Variants in TMC1 observed in about 807,000 individuals in gnomAD.
TMC1 encodes transmembrane channel-like protein 1.
In TMC1, 84 loss-of-function variants were observed where a neutral mutation model predicts 105.8. The ratio of observed to expected loss-of-function variants is 0.79; its 90% CI spans 0.67 to 0.95. TMC1 has a LOEUF of 0.95. Ranked by LOEUF, TMC1 falls within the 40% of genes least tolerant of loss-of-function variation. The probability of loss-of-function intolerance (pLI) is 0.00; values close to 1 mark genes in which losing one functional copy is unlikely to be tolerated. For synonymous variants in TMC1, 315 were observed against 311.5 expected, an observed-to-expected ratio of 1.01 and a Z score of -0.12; for missense variants, 817 against 914.1, an observed-to-expected ratio of 0.89 and a Z score of 1.37.
chr9:72,735,514 G>A lies in TMC1; in HGVS notation c.363-4605G>A, dbSNP rs114000927. Among the ~76,000 whole-genome samples the A allele has an allele frequency of 3.7e-3, 557 of 152,234 alleles. 6 individuals are homozygous for A. Among genetic ancestry groups the A allele is most frequent in the African/African-American group, 0.013 (534 of 41,538 alleles). ...TGCTATCTGTCATGGACACTTCACTGTTCTGTATTGATCAATGTTTATCTT... is the reference window on the plus strand; with the variant it reads ...TGCTATCTGTCATGGACACTTCACTATTCTGTATTGATCAATGTTTATCTT... On this transcript the variant is annotated intron_variant, in intron 8 of 23. Transcript: ENST00000297784.
At chr9:72,646,245 C>A (rs779262224) in intron 4 of TMC1, among the ~76,000 whole-genome samples, 5 of 152,060 alleles carry the variant, frequency 3.3e-5, no homozygotes, top group African/African-American at 4.8e-5. Context: ...ATAGTATTTG[C>A]CACCTCATAC....
intron 5 of TMC1, among the ~76,000 whole-genome samples, chr9:72,687,740 A>G (rs987197944): frequency 2.6e-5 from 4 of 152,180 alleles, no homozygotes; most frequent in South Asian, 2.1e-4. Flanking sequence ...GTGAGTGAAC[A>G]GAAACAAAAC....
At chr9:72,732,282 G>A (rs1827224036) in intron 8 of TMC1, among the ~76,000 whole-genome samples, 1 of 152,120 alleles carries the variant, frequency 6.6e-6, no homozygotes, top group Non-Finnish European at 1.5e-5. Flanking sequence ...ATAAATATCA[G>A]CTGGGCAAGG....
In TMC1 at chr9:72,743,382, T is replaced by TA. The variant is rs917961937; in HGVS notation, c.535+865dup. On this transcript the variant is annotated intron_variant, in intron 10 of 23. Coordinates refer to ENST00000297784, the MANE Select transcript of TMC1 (RefSeq NM_138691.3). ...ACTCCGTCTCACAAAAAAAAAAAAA[T>TA]AAAAAAAATAAAAAATAAAAATAAA... is the stretch of plus-strand genomic sequence containing the variant. Among the ~76,000 whole-genome samples, 6 of 126,376 alleles carry TA rather than the reference T, an allele frequency of 4.7e-5. No individual in the cohort carries two copies. The South Asian group carries it at 7.5e-4, about 16-fold the overall frequency. 82.9% of individuals were successfully genotyped at this position (126,376 alleles called of 152,430 possible).
At chr9:72,552,942 A>T (rs930806985) in intron 1 of TMC1, among the ~76,000 whole-genome samples, 10 of 152,302 alleles carry the variant, frequency 6.6e-5, no homozygotes, top group African/African-American at 2.4e-4. Context: ...TCTCAGAATT[A>T]CGAAGAATGT....
At chr9:72,835,915 G>GTCTTTTT in intron 23 of TMC1, 36 bp from the exon 24 acceptor site, 1 of 1,314,682 alleles carries the variant, frequency 7.6e-7, no homozygotes, top group Non-Finnish European at 1.0e-6. Context: ...CTCTCTCCTT[G>GTCTTTTT]TTTTTTTTTT....
At chr9:72,730,394 A>G (rs1827191415) in intron 8 of TMC1, among the ~76,000 whole-genome samples, 1 of 152,152 alleles carries the variant, frequency 6.6e-6, no homozygotes, top group African/African-American at 2.4e-5. Context: ...GAGGCCTTCC[A>G]GTGTCCTTTA....
chr9:72,527,112 G>A (rs12339075), intron 1 of TMC1, among the ~76,000 whole-genome samples: 11,526 of 152,206 alleles, frequency 0.076, 877 homozygotes, highest in African/African-American at 0.2. Context: ...GGCGTGGCTG[G>A]AAGAAGGCTA....
chr9:72,700,654 A>C lies in TMC1; in HGVS notation c.362+11A>C. 1 of 1,575,740 alleles carries C rather than the reference A, an allele frequency of 6.3e-7. No homozygotes were observed. Among genetic ancestry groups the C allele is most frequent in the African/African-American group, 1.4e-5 (1 of 73,220 alleles). ...AATTGAAGTTCTCAAGTATGGTGCC[A>C]CTTTTTATAAGTAGAAACACTTTCC... On this transcript the variant is annotated intron_variant, in intron 8 of 23. Coordinates refer to ENST00000297784, the MANE Select transcript of TMC1 (RefSeq NM_138691.3).
At position 72,792,060 on chromosome 9, in the gene TMC1, A is replaced by G. The variant is rs1179898549; in HGVS notation, c.1399A>G (p.Asn467Asp). 4 of 1,614,012 alleles carry G rather than the reference A, an allele frequency of 2.5e-6. No homozygotes were observed. In the African/African-American group the frequency reaches 5.3e-5, roughly 22 times the overall value. Residue 467 changes from asparagine to aspartate, a missense_variant, in exon 16 of 24, where the codon AAC (asparagine) becomes GAC (aspartate). By Grantham distance (23) the Asn-to-Asp change is conservative (BLOSUM62 1). Transcript: ENST00000297784. ...TCTTGCATTAATGGATGAGATTAAC[A>G]ACAAGGTAAGCCTTGTTTCTGGATT... ...FILALMDEINNKIEEEKLVKA... is the reference protein window; with the variant it reads ...FILALMDEINDKIEEEKLVKA...
At chr9:72,639,067 T>A (rs895615732) in intron 4 of TMC1, among the ~76,000 whole-genome samples, 1 of 152,174 alleles carries the variant, frequency 6.6e-6, no homozygotes, top group Non-Finnish European at 1.5e-5. Flanking sequence ...TTGTTTTTTT[T>A]AAAAAACGTA....
In TMC1 at chr9:72,835,984, G is replaced by T; in HGVS notation, c.*11G>T. ...GCTGGTCGCCAGTAATAAGTATCCT[G>T]AGAGCCCAGAAAAGGTACACTTTGC... On this transcript the variant is annotated 3_prime_UTR_variant, in exon 24 of 24. Transcript: ENST00000297784. The T allele has an allele frequency of 6.5e-7, 1 of 1,545,702 alleles. No homozygotes were observed.
intron 5 of TMC1, among the ~76,000 whole-genome samples, chr9:72,681,402 G>A (rs961016700): frequency 2.7e-5 from 4 of 148,584 alleles, no homozygotes; most frequent in Non-Finnish European, 4.5e-5. Context: ...TTTTTTTTTT[G>A]AAAAAGCCAG....
In TMC1 at chr9:72,584,421, A is replaced by G. The variant is rs538935735; in HGVS notation, c.-306+6398A>G. Among the ~76,000 whole-genome samples the G allele has an allele frequency of 1.3e-3, 195 of 152,160 alleles. 1 individual carries two copies. The highest frequency in any genetic ancestry group is 4.5e-3 in the African/African-American group (187 of 41,502). On this transcript the variant is annotated intron_variant, in intron 2 of 23. Transcript: ENST00000297784. ...GCTGGGACTACAGCTGCATGCCACC[A>G]TACCCAGATAATTTCTTTTATTTTT...
At position 72,805,499 on chromosome 9, in the gene TMC1, G is replaced by A. The variant is rs1478590012; in HGVS notation, c.1684G>A (p.Glu562Lys). ...CAATTATTGCTGGTGCTGGGACTTG[G>A]AGTATGGATATGTAAGTATGATGTT... ...FCNYCWCWDLEYGYPSYTEFD... is the reference protein window; with the variant it reads ...FCNYCWCWDLKYGYPSYTEFD... Residue 562 changes from glutamate to lysine, a missense_variant, in exon 18 of 24, where the codon GAG becomes AAG. Physicochemically the swap from Glu to Lys is moderately conservative, Grantham distance 56. Transcript: ENST00000297784. The A allele has an allele frequency of 6.2e-7, 1 of 1,612,544 alleles. No homozygotes were observed. Among genetic ancestry groups the A allele is most frequent in the Non-Finnish European group, 8.5e-7 (1 of 1,179,406 alleles).
chr9:72,550,615 G>A (rs1403141307), intron 1 of TMC1, among the ~76,000 whole-genome samples: 5 of 132,318 alleles, frequency 3.8e-5, no homozygotes, highest in Non-Finnish European at 7.6e-5. Context: ...CTGAGATGGC[G>A]CCACTGCACT....
chr9:72,806,123 G>A (rs1004213141), intron 18 of TMC1, among the ~76,000 whole-genome samples: 7 of 151,626 alleles, frequency 4.6e-5, no homozygotes, highest in East Asian at 2.0e-4. Flanking sequence ...AGGGGCGGCC[G>A]GGCAGAGGCG....
rs368042336 is a variant in TMC1 at position 72,751,933 on chromosome 9, T to A, written c.619T>A (p.Phe207Ile). 1.7e-5 allele frequency: 28 copies of A among 1,611,928 alleles called. No individual in the cohort carries two copies. In the African/African-American group the frequency reaches 3.5e-4, roughly 20 times the overall value. ...GVNMVLFILT[F>I]SLIMLPEYLW... ...CAATATGGTTCTCTTTATCCTGACA[T>A]TTAGCCTCATCATGTTGCCAGAGGT... is the stretch of plus-strand genomic sequence containing the variant. Residue 207 changes from phenylalanine (F) to isoleucine (I), a missense_variant, in exon 11 of 24, where the codon TTT becomes ATT. Transcript: ENST00000297784.
intron 5 of TMC1, among the ~76,000 whole-genome samples, chr9:72,649,730 G>A (rs1414357720): frequency 1.3e-5 from 2 of 152,024 alleles, no homozygotes; most frequent in African/African-American, 4.8e-5. Context: ...AGGGTGGCGT[G>A]GTTTTTCATT....
Sources: gnomAD v4.1 joint callset for allele counts (sites outside exome capture counted in the v4.1 genomes callset) on GRCh38, gnomAD v4.1.1 for gene constraint, MANE v1.5 for transcripts, NCBI Gene and HGNC (gene_info 2026-07-23, HGNC 2026-07-21) for gene names.